RBFOX1: variants seen among roughly 807,000 people sequenced by gnomAD.
The protein encoded by RBFOX1 is RNA binding fox-1 homolog 1.
RBFOX1 carries 8 observed loss-of-function variants against 57.7 expected under a neutral mutation model. The ratio of observed to expected loss-of-function variants is 0.14; its 90% CI spans 0.08 to 0.25. RBFOX1 has a LOEUF of 0.25. Ranked by LOEUF, RBFOX1 falls within the 10% of genes least tolerant of loss-of-function variation. The pLI is 1.00. For synonymous variants in RBFOX1, 326 were observed against 222.4 expected, an observed-to-expected ratio of 1.47 and a Z score of -4.15; for missense variants, 611 against 548.5, an observed-to-expected ratio of 1.11 and a Z score of -1.14.
chr16:6,256,161 A>ATATATATGTATATATATGTATATATATG lies in RBFOX1; in HGVS notation c.-126-60827_-126-60826insGTATATATATGTATATATATGTATATAT, dbSNP rs1486039903. ...TATGTGTGTATATATATATATATGT[A>ATATATATGTATATATATGTATATATATG]TATATATATGTATATATATATATAC... On this transcript the variant is annotated intron_variant, in intron 1 of 15. Transcript: ENST00000550418. Among the ~76,000 whole-genome samples the ATATATATGTATATATATGTATATATATG allele has an allele frequency of 4.8e-3, 72 of 14,944 alleles. 5 individuals carry two copies. Among genetic ancestry groups the ATATATATGTATATATATGTATATATATG allele is most frequent in the Middle Eastern group, 0.042 (1 of 24 alleles). The allele number at this position is 14,944 out of a possible 152,430, so 9.8% of individuals were successfully genotyped here.
intron 2 of RBFOX1, among the ~76,000 whole-genome samples, chr16:6,624,440 G>C (rs562563090): frequency 2.4e-4 from 37 of 152,148 alleles, no homozygotes; most frequent in Middle Eastern, 3.4e-3. Context: ...AAATGAGTGG[G>C]GATGGTGAAT....
intron 4 of RBFOX1, among the ~76,000 whole-genome samples, chr16:7,449,396 G>T (rs1233902865): frequency 6.6e-6 from 1 of 152,130 alleles, no homozygotes; most frequent in African/African-American, 2.4e-5. Context: ...GAAAATAGAT[G>T]GATGAATTCA....
chr16:6,448,122 C>T (rs1362955318), intron 2 of RBFOX1, among the ~76,000 whole-genome samples: 1 of 141,928 alleles, frequency 7.0e-6, no homozygotes, highest in Non-Finnish European at 1.5e-5. Context: ...TATAACTGAT[C>T]AGACATTTTT....
At chr16:5,799,246 A>G (rs556087613) in intron 3 of RBFOX1, among the ~76,000 whole-genome samples, 1 of 152,190 alleles carries the variant, frequency 6.6e-6, no homozygotes, top group African/African-American at 2.4e-5. Flanking sequence ...TATGGGGGAA[A>G]CTGCCCCCAT....
chr16:5,446,526 G>A (rs1464465566), intron 1 of RBFOX1, among the ~76,000 whole-genome samples: 1 of 150,792 alleles, frequency 6.6e-6, no homozygotes, highest in Non-Finnish European at 1.5e-5. Context: ...GTATTTCTGG[G>A]GAGATCAACA....
intron 3 of RBFOX1, among the ~76,000 whole-genome samples, chr16:6,932,936 CT>C (rs1325766091): frequency 6.6e-6 from 1 of 152,172 alleles, no homozygotes; most frequent in Non-Finnish European, 1.5e-5. Context: ...TACTATTCTC[CT>C]TTCTGTCTTT....
At chr16:6,497,990 T>G (rs1015851552) in intron 2 of RBFOX1, among the ~76,000 whole-genome samples, 1 of 152,058 alleles carries the variant, frequency 6.6e-6, no homozygotes, top group African/African-American at 2.4e-5. Flanking sequence ...GGTTCATGCC[T>G]GTAATCCCAA....
At chr16:6,310,121 C>T (rs559057934) in intron 1 of RBFOX1, among the ~76,000 whole-genome samples, 9 of 152,250 alleles carry the variant, frequency 5.9e-5, no homozygotes, top group East Asian at 5.8e-4. Context: ...CTTCTGACCT[C>T]GTGATCCGCC....
chr16:6,211,063 T>G (rs1281024153), intron 1 of RBFOX1, among the ~76,000 whole-genome samples: 1 of 151,642 alleles, frequency 6.6e-6, no homozygotes, highest in Non-Finnish European at 1.5e-5. Flanking sequence ...TGGGGCAAAC[T>G]ACTGATGGAA....
chr16:6,262,374 G>A (rs2097706635), intron 1 of RBFOX1, among the ~76,000 whole-genome samples: 2 of 152,152 alleles, frequency 1.3e-5, no homozygotes, highest in African/African-American at 2.4e-5. Flanking sequence ...TTGGAAAAAA[G>A]TAGTAGATAT....
intron 4 of RBFOX1, among the ~76,000 whole-genome samples, chr16:5,881,203 C>G (rs1178372505): frequency 6.6e-6 from 1 of 152,178 alleles, no homozygotes; most frequent in African/African-American, 2.4e-5. Context: ...TGGCCCTGAA[C>G]TGTCTTCTGA....
chr16:6,050,487 T>C lies in RBFOX1; in HGVS notation c.-127+30495T>C, dbSNP rs574379115. ...CTAGGTCAGATGCAAGTTCCATTTC[T>C]TTGGTCATTTCTTCTTCCAAGAAGA... On this transcript the variant is annotated intron_variant, in intron 1 of 15. Transcript: ENST00000550418. Among the ~76,000 whole-genome samples, 16 of 152,344 alleles carry C rather than the reference T, an allele frequency of 1.1e-4. No homozygotes were observed. The South Asian group carries it at 1.4e-3, about 14-fold the overall frequency.
chr16:5,557,600 A>C (rs1305739874), intron 2 of RBFOX1, among the ~76,000 whole-genome samples: 1 of 152,226 alleles, frequency 6.6e-6, no homozygotes, highest in African/African-American at 2.4e-5. Context: ...GCAGACATGC[A>C]AAGTGTGGGA....
At chr16:6,065,120 C>G (rs140436902) in intron 1 of RBFOX1, among the ~76,000 whole-genome samples, 2 of 151,690 alleles carry the variant, frequency 1.3e-5, no homozygotes, top group African/African-American at 4.9e-5. Context: ...CTTGACCTCC[C>G]GGGCTCAAGT....
At chr16:6,980,344 G>C (rs1250281125) in intron 3 of RBFOX1, among the ~76,000 whole-genome samples, 1 of 152,066 alleles carries the variant, frequency 6.6e-6, no homozygotes, top group East Asian at 1.9e-4. Context: ...TTCCAGATGA[G>C]GACTAACATG....
intron 4 of RBFOX1, among the ~76,000 whole-genome samples, chr16:6,002,974 G>A (rs2060627158): frequency 6.6e-6 from 1 of 152,052 alleles, no homozygotes; most frequent in Non-Finnish European, 1.5e-5. Context: ...TTCCTCGTTG[G>A]GGGACACAAG....
intron 5 of RBFOX1, among the ~76,000 whole-genome samples, chr16:7,547,473 C>G (rs184058574): frequency 1.3e-5 from 2 of 152,298 alleles, no homozygotes; most frequent in East Asian, 1.9e-4. Context: ...AAATGATCAT[C>G]TGACTGGGGC....
chr16:6,145,979 A>C (rs1024897998), intron 1 of RBFOX1, among the ~76,000 whole-genome samples: 9 of 152,176 alleles, frequency 5.9e-5, no homozygotes, highest in African/African-American at 2.2e-4. Context: ...CTTTGTGACC[A>C]AAGGCATTTA....
chr16:5,284,902 C>T (rs1697169963), intron 1 of RBFOX1, among the ~76,000 whole-genome samples: 1 of 150,924 alleles, frequency 6.6e-6, no homozygotes, highest in African/African-American at 2.4e-5. Flanking sequence ...AGAATTTTCT[C>T]TTTGTCTTTT....
Sources: gnomAD v4.1 joint callset for allele counts (sites outside exome capture counted in the v4.1 genomes callset) on GRCh38, gnomAD v4.1.1 for gene constraint, MANE v1.5 for transcripts, NCBI Gene and HGNC (gene_info 2026-07-23, HGNC 2026-07-21) for gene names.